ANKFN1: variants seen among roughly 807,000 people sequenced by gnomAD.
The protein encoded by ANKFN1 is ankyrin repeat and fibronectin type-III domain-containing protein 1.
In ANKFN1, 74 loss-of-function variants were observed where a neutral mutation model predicts 108.7. That is an observed-to-expected ratio of 0.68 (90% CI 0.56 to 0.83). ANKFN1 has a LOEUF of 0.83. Among genes scored for constraint, ANKFN1 ranks in the 40% least tolerant of loss-of-function variants. The pLI, the probability that ANKFN1 is intolerant of heterozygous loss-of-function variation, is 0.00. For synonymous variants in ANKFN1, 547 were observed against 516.2 expected (o/e 1.06, Z -0.81); for missense variants, 1,505 against 1,382.3 (o/e 1.09, Z -1.41).
intron 3 of ANKFN1, among the ~76,000 whole-genome samples, chr17:56,239,149 G>A (rs1295340462): frequency 6.6e-6 from 1 of 152,028 alleles, no homozygotes; most frequent in Admixed American, 6.6e-5. Flanking sequence ...AAAGAGAATG[G>A]GGAGGAGAGG....
At position 56,512,799 on chromosome 17, in the gene ANKFN1, ATTAC is replaced by A. The variant is rs2051813048; in HGVS notation, c.*1531_*1534del. 6.6e-6 allele frequency among the ~76,000 whole-genome samples: 1 copy of A among 152,222 alleles called. No homozygotes were observed. Among genetic ancestry groups the A allele is most frequent in the African/African-American group, 2.4e-5 (1 of 41,458 alleles). Reference sequence around the variant, plus strand: ...AAAACATTTGATTTAAACATAAATAATTACCCTGCTGCAAAGGTACAGATTTGGC... The same window carrying A: ...AAAACATTTGATTTAAACATAAATAACCTGCTGCAAAGGTACAGATTTGGC... On this transcript the variant is annotated 3_prime_UTR_variant, in exon 21 of 21. Transcript: ENST00000682825.
chr17:56,166,561 C>A (rs1037338946), intron 1 of ANKFN1, among the ~76,000 whole-genome samples: 1 of 152,106 alleles, frequency 6.6e-6, no homozygotes, highest in East Asian at 1.9e-4. Context: ...CTATTTCTAA[C>A]GTGAAGCCCA....
intron 1 of ANKFN1, among the ~76,000 whole-genome samples, chr17:56,175,841 A>G (rs1028560089): frequency 7.0e-6 from 1 of 143,386 alleles, no homozygotes; most frequent in African/African-American, 2.6e-5. Flanking sequence ...TTGACACACA[A>G]CTCTGATTGA....
intron 3 of ANKFN1, among the ~76,000 whole-genome samples, chr17:56,254,557 G>A (rs912131940): frequency 6.6e-6 from 1 of 152,184 alleles, no homozygotes; most frequent in Non-Finnish European, 1.5e-5. Context: ...ATTTCCAGCA[G>A]TCTAATTTCC....
chr17:56,168,070 C>T (rs544877313), intron 1 of ANKFN1, among the ~76,000 whole-genome samples: 4 of 152,098 alleles, frequency 2.6e-5, no homozygotes, highest in East Asian at 3.9e-4. Context: ...AATTTGAGAC[C>T]GGCCTGACCA....
chr17:56,301,504 A>C (rs1598376523), intron 3 of ANKFN1, among the ~76,000 whole-genome samples: 1 of 152,334 alleles, frequency 6.6e-6, no homozygotes, highest in South Asian at 2.1e-4. Flanking sequence ...CAATGGCCCA[A>C]GCTAAGGCTT....
intron 8 of ANKFN1, 115 bp from the exon 9 acceptor site, chr17:56,440,212 C>A (rs2145158048): frequency 1.1e-5 from 5 of 472,698 alleles, no homozygotes; most frequent in East Asian, 3.3e-5. Flanking sequence ...AAGGAGGGTG[C>A]ACTTAACTCT....
chr17:56,284,528 C>T (rs1209699836), intron 3 of ANKFN1, among the ~76,000 whole-genome samples: 1 of 152,002 alleles, frequency 6.6e-6, no homozygotes, highest in Non-Finnish European at 1.5e-5. Flanking sequence ...ATAGAATCGC[C>T]CAGCATAGGA....
chr17:56,052,881 T>C (rs1904802394), intron 4 of ANKFN1, among the ~76,000 whole-genome samples: 2 of 152,184 alleles, frequency 1.3e-5, no homozygotes, highest in South Asian at 4.1e-4. Flanking sequence ...AAGGGTCTCA[T>C]GCCACTTGAA....
At chr17:56,183,276 A>G (rs933375552) in intron 1 of ANKFN1, among the ~76,000 whole-genome samples, 1 of 152,276 alleles carries the variant, frequency 6.6e-6, no homozygotes, top group East Asian at 1.9e-4. Flanking sequence ...TACATTGACA[A>G]AATTCTGGAA....
intron 3 of ANKFN1, among the ~76,000 whole-genome samples, chr17:56,264,782 G>T (rs1226678505): frequency 1.3e-5 from 2 of 152,074 alleles, no homozygotes; most frequent in Admixed American, 6.6e-5. Flanking sequence ...GACTACATTG[G>T]GCTGTTAACA....
chr17:56,148,324 C>T (rs1039581181), intron 4 of ANKFN1, among the ~76,000 whole-genome samples: 1 of 152,182 alleles, frequency 6.6e-6, no homozygotes, highest in African/African-American at 2.4e-5. Flanking sequence ...GCATTCTTTA[C>T]ACGAATGGGA....
Position 56,428,484 on chromosome 17 carries a change from G to C in ANKFN1, c.911-11843G>C, listed in dbSNP as rs367986024. Among the ~76,000 whole-genome samples, 22 of 130,766 alleles carry C rather than the reference G, an allele frequency of 1.7e-4. 1 individual carries two copies. Among genetic ancestry groups the C allele is most frequent in the African/African-American group, 6.5e-4 (22 of 34,002 alleles). 85.8% of individuals were successfully genotyped at this position (130,766 alleles called of 152,430 possible). ...TTTCTTTTTTTTTTTTTTTTGAGAT[G>C]GTGTGTCTCATTCTTTCGCCTAGGC... is the stretch of plus-strand genomic sequence containing the variant. On this transcript the variant is annotated intron_variant, in intron 8 of 20. Transcript: ENST00000682825.
In ANKFN1 at chr17:56,153,548, C is replaced by A. The variant is rs1908805612; in HGVS notation, c.-71+18C>A. The A allele has an allele frequency of 6.2e-7, 1 of 1,613,534 alleles. No homozygotes were observed. Among genetic ancestry groups the A allele is most frequent in the African/African-American group, 1.3e-5 (1 of 74,896 alleles). The stretch of plus-strand genomic sequence containing the variant: ...TAACCAGGGTAGGAAAACAATAGTT[C>A]TAAATATCGGTAATTGGTGTTTGGA... On this transcript the variant is annotated intron_variant, in intron 1 of 20. Transcript: ENST00000682825.
At chr17:56,427,988 T>C (rs1371993561) in intron 8 of ANKFN1, among the ~76,000 whole-genome samples, 2 of 152,262 alleles carry the variant, frequency 1.3e-5, no homozygotes, top group East Asian at 3.9e-4. Flanking sequence ...ATCCTAGCAC[T>C]TTGGAAGGCC....
At chr17:56,195,974 A>T (rs977731324) in intron 1 of ANKFN1, among the ~76,000 whole-genome samples, 2 of 152,238 alleles carry the variant, frequency 1.3e-5, no homozygotes, top group Non-Finnish European at 2.9e-5. Context: ...AAGAGAAAAG[A>T]TGATATCAAG....
chr17:56,203,651 T>C (rs1471905540), intron 1 of ANKFN1, among the ~76,000 whole-genome samples: 1 of 152,224 alleles, frequency 6.6e-6, no homozygotes, highest in Non-Finnish European at 1.5e-5. Flanking sequence ...AGTAACTTCC[T>C]GCTCTTCGTG....
chr17:56,447,907 A>C (rs1012397993), intron 10 of ANKFN1, among the ~76,000 whole-genome samples: 3 of 152,224 alleles, frequency 2.0e-5, no homozygotes, highest in African/African-American at 2.4e-5. Flanking sequence ...ACCTGTGTTT[A>C]CCTGACTTCA....
intron 15 of ANKFN1, among the ~76,000 whole-genome samples, chr17:56,470,292 G>C (rs1263243313): frequency 6.6e-6 from 1 of 152,132 alleles, no homozygotes; most frequent in Non-Finnish European, 1.5e-5. Flanking sequence ...ATATTCTTTT[G>C]GGTATATACC....
Sources: gnomAD v4.1 joint callset for allele counts (sites outside exome capture counted in the v4.1 genomes callset) on GRCh38, gnomAD v4.1.1 for gene constraint, MANE v1.5 for transcripts, NCBI Gene and HGNC (gene_info 2026-07-23, HGNC 2026-07-21) for gene names.